KATNBL1: variants seen among roughly 807,000 people sequenced by gnomAD.
The protein encoded by KATNBL1 is katanin regulatory subunit B1 like 1.
In KATNBL1, 28 loss-of-function variants were observed where a neutral mutation model predicts 44.7. That is an observed-to-expected ratio of 0.63 (90% CI 0.46 to 0.86). The LOEUF is 0.86. Ranked by LOEUF, KATNBL1 falls within the 40% of genes least tolerant of loss-of-function variation. The pLI is 0.00. For synonymous variants in KATNBL1, 78 were observed against 114.9 expected (o/e 0.68, Z 2.06); for missense variants, 272 against 350.7 (o/e 0.78, Z 1.79).
chr15:34,167,185 A>G (rs968687880), intron 1 of KATNBL1, among the ~76,000 whole-genome samples: 1 of 152,222 alleles, frequency 6.6e-6, no homozygotes, highest in Non-Finnish European at 1.5e-5. Context: ...GTTGCAAGGA[A>G]GCCAAAAACC....
chr15:34,202,229 G>A (rs1371506133), intron 1 of KATNBL1, among the ~76,000 whole-genome samples: 1 of 152,102 alleles, frequency 6.6e-6, no homozygotes, highest in Non-Finnish European at 1.5e-5. Flanking sequence ...TACCAATAAA[G>A]TAGTATTCAA....
intron 8 of KATNBL1, chr15:34,146,049 A>C (rs1173857582): frequency 2.6e-5 from 4 of 151,742 alleles, no homozygotes; most frequent in Admixed American, 1.3e-4. Context: ...CCTGGGCTCA[A>C]GCGATCCTCC....
intron 1 of KATNBL1, among the ~76,000 whole-genome samples, chr15:34,188,136 GTAAAAAAAAAAAAAAAA>G (rs1221354676): frequency 1.5e-4 from 1 of 6,578 alleles, no homozygotes; most frequent in Non-Finnish European, 4.4e-4. Context: ...AAGACGCCAT[GTAAAAAAAAAAAAAAAA>G]AAAAAAAAAA....
intron 1 of KATNBL1, among the ~76,000 whole-genome samples, chr15:34,168,957 A>T (rs1889069351): frequency 6.6e-6 from 1 of 152,244 alleles, no homozygotes; most frequent in Admixed American, 6.5e-5. Context: ...CCGGAAATTT[A>T]TGGCATTAAA....
intron 1 of KATNBL1, among the ~76,000 whole-genome samples, chr15:34,197,104 GAAC>G (rs1447771564): frequency 6.6e-6 from 1 of 152,196 alleles, no homozygotes; most frequent in Non-Finnish European, 1.5e-5. Flanking sequence ...TAGAGGTGGA[GAAC>G]AACCACTATT....
At chr15:34,207,664 A>G (rs996741578) in intron 1 of KATNBL1, among the ~76,000 whole-genome samples, 1 of 151,410 alleles carries the variant, frequency 6.6e-6, no homozygotes, top group African/African-American at 2.4e-5. Context: ...GCAGTGGCAC[A>G]ATCTCGGCTC....
chr15:34,168,216 C>T (rs4780225), intron 1 of KATNBL1, among the ~76,000 whole-genome samples: 136,726 of 152,092 alleles, frequency 0.9, 61,581 homozygotes, highest in East Asian at 0.99. Context: ...AAGATACACA[C>T]AGGTTCAAAA....
chr15:34,202,697 GA>G (rs1223449425), intron 1 of KATNBL1, among the ~76,000 whole-genome samples: 1 of 152,048 alleles, frequency 6.6e-6, no homozygotes, highest in African/African-American at 2.4e-5. Context: ...TTTCATTTAA[GA>G]ATAAAATCTC....
intron 1 of KATNBL1, among the ~76,000 whole-genome samples, chr15:34,167,158 G>T (rs1448708716): frequency 6.6e-6 from 1 of 152,158 alleles, no homozygotes; most frequent in Non-Finnish European, 1.5e-5. Flanking sequence ...CCAAGCTAAA[G>T]GAGCATGTTC....
chr15:34,150,965 A>G lies in KATNBL1; in HGVS notation c.438+1825T>C, dbSNP rs1350263797. Among the ~76,000 whole-genome samples, 3 of 152,160 alleles carry G rather than the reference A, an allele frequency of 2.0e-5. No individual in the cohort carries two copies. The East Asian group carries it at 5.8e-4, about 29-fold the overall frequency. ...TGTTCTTTTTATGGCTGCATATAGT[A>G]TTCCATGGTGTATATGCACCATATT... On this transcript the variant is annotated intron_variant, in intron 4 of 9. Coordinates refer to ENST00000256544, the MANE Select transcript of KATNBL1 (RefSeq NM_024713.3).
intron 4 of KATNBL1, among the ~76,000 whole-genome samples, chr15:34,150,106 T>C (rs1888423699): frequency 6.6e-6 from 1 of 152,200 alleles, no homozygotes; most frequent in Non-Finnish European, 1.5e-5. Flanking sequence ...CTTTCAGATT[T>C]AGGTTTTTAG....
chr15:34,175,966 T>C (rs530548908), intron 1 of KATNBL1, among the ~76,000 whole-genome samples: 1 of 152,130 alleles, frequency 6.6e-6, no homozygotes, highest in Non-Finnish European at 1.5e-5. Flanking sequence ...TGTATGCAAA[T>C]GTTATAACCT....
Position 34,186,083 on chromosome 15 carries a change from A to T in KATNBL1, c.-14-22393T>A, listed in dbSNP as rs1889706800. 2.0e-5 allele frequency among the ~76,000 whole-genome samples: 3 copies of T among 152,200 alleles called. 1 individual carries two copies. In the South Asian group the frequency reaches 6.2e-4, roughly 31 times the overall value. ...TTCTATGGGACAATTGGGCCATTTC[A>T]GTACCCTCCTTTCTATTTATTAGTC... On this transcript the variant is annotated intron_variant, in intron 1 of 9. Transcript: ENST00000256544.
chr15:34,209,223 A>G (rs998921946), intron 1 of KATNBL1: 3 of 152,250 alleles, frequency 2.0e-5, no homozygotes, highest in Non-Finnish European at 4.4e-5. Flanking sequence ...CTAGTTTCTC[A>G]TAATTCTCGC....
chr15:34,147,804 T>G (rs1341063236), intron 5 of KATNBL1, among the ~76,000 whole-genome samples: 1 of 152,134 alleles, frequency 6.6e-6, no homozygotes, highest in African/African-American at 2.4e-5. Flanking sequence ...CTGAGAGACT[T>G]GAATACAATG....
intron 1 of KATNBL1, among the ~76,000 whole-genome samples, chr15:34,164,323 G>A (rs1398322016): frequency 6.6e-6 from 1 of 151,996 alleles, no homozygotes; most frequent in East Asian, 1.9e-4. Context: ...ATGAAATAAG[G>A]TGTATAAGGT....
At chr15:34,156,671 G>C (rs998472860) in intron 2 of KATNBL1, among the ~76,000 whole-genome samples, 2 of 152,052 alleles carry the variant, frequency 1.3e-5, no homozygotes, top group African/African-American at 4.8e-5. Flanking sequence ...GGGGAGCAAT[G>C]AAGAATATTT....
intron 1 of KATNBL1, chr15:34,165,905 C>G (rs1485382704): frequency 1.3e-5 from 2 of 152,154 alleles, no homozygotes; most frequent in African/African-American, 2.4e-5. Flanking sequence ...GCAGAATCCC[C>G]TAAACGTTCA....
In KATNBL1 at chr15:34,169,969, C is replaced by T. The variant is rs549028474; in HGVS notation, c.-14-6279G>A. The stretch of plus-strand genomic sequence containing the variant: ...TAATAAGAGCTATTTATGACAATCC[C>T]ACAGCCAATCTCATACTGAATGGGC... On this transcript the variant is annotated intron_variant, in intron 1 of 9. Coordinates refer to ENST00000256544, the MANE Select transcript of KATNBL1 (RefSeq NM_024713.3). Among the ~76,000 whole-genome samples the T allele has an allele frequency of 7.2e-5, 11 of 152,286 alleles. No homozygotes were observed. In the East Asian group the frequency reaches 1.7e-3, roughly 24 times the overall value.
Sources: gnomAD v4.1 joint callset for allele counts (sites outside exome capture counted in the v4.1 genomes callset) on GRCh38, gnomAD v4.1.1 for gene constraint, MANE v1.5 for transcripts, NCBI Gene and HGNC (gene_info 2026-07-23, HGNC 2026-07-21) for gene names.